Variants in NSL1 observed in about 807,000 individuals in gnomAD.
NSL1 encodes the protein kinetochore-associated protein NSL1 homolog.
Under a neutral mutation model 25.4 loss-of-function variants are expected in NSL1, and 11 were observed. The observed-to-expected ratio is 0.43, with a 90% CI of 0.27 to 0.72. The LOEUF is 0.72. NSL1 is among the 30% of genes least tolerant of loss of function. NSL1 has a pLI of 0.19. For synonymous variants in NSL1, 118 were observed against 120.6 expected, an observed-to-expected ratio of 0.98 and a Z score of 0.14; for missense variants, 330 against 342.7, an observed-to-expected ratio of 0.96 and a Z score of 0.29.
chr1:212,750,086 G>T (rs1458667141), intron 4 of NSL1, among the ~76,000 whole-genome samples: 1 of 151,576 alleles, frequency 6.6e-6, no homozygotes, highest in African/African-American at 2.4e-5. Context: ...ACTCCCTTGG[G>T]AACAGGAAAC....
chr1:212,764,597 G>A (rs1659713183), intron 4 of NSL1, among the ~76,000 whole-genome samples: 1 of 152,090 alleles, frequency 6.6e-6, no homozygotes, highest in South Asian at 2.1e-4. Context: ...CACAATCCCA[G>A]CATTTTGGGA....
At chr1:212,757,976 G>A (rs1300520789) in intron 4 of NSL1, among the ~76,000 whole-genome samples, 1 of 152,186 alleles carries the variant, frequency 6.6e-6, no homozygotes, top group Non-Finnish European at 1.5e-5. Context: ...AGGATGTACA[G>A]GCATCATGCA....
chr1:212,730,619 G>A lies in NSL1; in HGVS notation c.*7789C>T, dbSNP rs1426390522. ...AGGCCACCCAGAAGTCAGGGGATGT[G>A]ACCAAAGGAAAAGGTGATCAGAAGG... On this transcript the variant is annotated 3_prime_UTR_variant, in exon 6 of 6. Coordinates refer to ENST00000366977, the MANE Select transcript of NSL1 (RefSeq NM_015471.4). 4.1e-5 allele frequency: 40 copies of A among 985,282 alleles called. No individual in the cohort carries two copies. Among genetic ancestry groups the A allele is most frequent in the Non-Finnish European group, 4.8e-5 (40 of 829,928 alleles). 61.0% of individuals were successfully genotyped at this position (985,282 alleles called of 1,614,324 possible).
At position 212,734,028 on chromosome 1, in the gene NSL1, C is replaced by G. The variant is rs1368044672; in HGVS notation, c.*4380G>C. Among the ~76,000 whole-genome samples the G allele has an allele frequency of 6.6e-6, 1 of 152,078 alleles. No individual in the cohort carries two copies. The highest frequency in any genetic ancestry group is 1.5e-5 in the Non-Finnish European group (1 of 68,030). ...GAAAATTTCATTTTATCTCCCAGCC[C>G]TCCCACTGAATTTTTATTTCAACTT... On this transcript the variant is annotated 3_prime_UTR_variant, in exon 6 of 6. Coordinates refer to ENST00000366977, the MANE Select transcript of NSL1 (RefSeq NM_015471.4).
rs1421061690 is a variant in NSL1, at chr1:212,772,576, C to G, written c.499+9796G>C. ...CCTGTAATCCCAGCTACTTGGGAGG[C>G]TGAGGCACAAGAATCACTTGAACTC... On this transcript the variant is annotated intron_variant, in intron 4 of 5. Transcript: ENST00000366977. 3.9e-5 allele frequency among the ~76,000 whole-genome samples: 6 copies of G among 152,156 alleles called. No homozygotes were observed. The East Asian group carries it at 1.2e-3, about 29-fold the overall frequency.
At chr1:212,788,619 T>C (rs1661049963) in intron 1 of NSL1, among the ~76,000 whole-genome samples, 1 of 152,172 alleles carries the variant, frequency 6.6e-6, no homozygotes, top group Non-Finnish European at 1.5e-5. Flanking sequence ...GCAGTACACA[T>C]TTCCTATTAC....
In NSL1 at chr1:212,729,112, A is replaced by C. The variant is rs1449620615; in HGVS notation, c.*9296T>G. ...TTAAAACTTGCCAGTCAATTACAGG[A>C]ATATATTAGTGTTCCATCGTAGTTT... On this transcript the variant is annotated 3_prime_UTR_variant, in exon 6 of 6. Coordinates refer to ENST00000366977, the MANE Select transcript of NSL1 (RefSeq NM_015471.4). 9.1e-6 allele frequency: 9 copies of C among 985,308 alleles called. No individual in the cohort carries two copies. Among genetic ancestry groups the C allele is most frequent in the Non-Finnish European group, 1.2e-6 (1 of 829,934 alleles). The allele number at this position is 985,308 out of a possible 1,614,324, so 61.0% of individuals were successfully genotyped here. A position where few individuals can be genotyped will look rare whatever the true frequency, so the allele number is the denominator to read the frequency against.
intron 3 of NSL1, chr1:212,784,058 C>CAAA (rs1274950935): frequency 5.7e-6 from 1 of 174,506 alleles, no homozygotes; most frequent in African/African-American, 2.4e-5. Flanking sequence ...GCTTCTTTTT[C>CAAA]CATCCTTGTC....
rs1558036816 is a variant in NSL1, at chr1:212,736,588, C to T, written c.*1820G>A. The T allele has an allele frequency of 1.0e-6, 1 of 985,170 alleles. No homozygotes were observed. The highest frequency in any genetic ancestry group is 1.2e-6 in the Non-Finnish European group (1 of 829,856). The allele number at this position is 985,170 out of a possible 1,614,324, so 61.0% of individuals were successfully genotyped here. A position where few individuals can be genotyped will look rare whatever the true frequency, so the allele number is the denominator to read the frequency against. On this transcript the variant is annotated 3_prime_UTR_variant, in exon 6 of 6. Coordinates refer to ENST00000366977, the MANE Select transcript of NSL1 (RefSeq NM_015471.4). ...TAATGCTAATACGTACTGTCTTTCC[C>T]AGTGGTATTTCTATTTTAAACTCTG... is the stretch of plus-strand genomic sequence containing the variant.
At position 212,731,083 on chromosome 1, in the gene NSL1, T is replaced by A. The variant is rs1272257057; in HGVS notation, c.*7325A>T. On this transcript the variant is annotated 3_prime_UTR_variant, in exon 6 of 6. Transcript: ENST00000366977. The stretch of plus-strand genomic sequence containing the variant: ...ATTAATTTTCTCAAATCCTTTCATA[T>A]AAAATCCCCAAGAACCCCCTTCAGT... 5 of 984,858 alleles carry A rather than the reference T, an allele frequency of 5.1e-6. No homozygotes were observed. In the East Asian group the frequency reaches 3.4e-4, roughly 67 times the overall value. 61.0% of individuals were successfully genotyped at this position (984,858 alleles called of 1,614,324 possible).
chr1:212,736,857 C>T lies in NSL1; in HGVS notation c.*1551G>A, dbSNP rs1658250878. On this transcript the variant is annotated 3_prime_UTR_variant, in exon 6 of 6. Coordinates refer to ENST00000366977, the MANE Select transcript of NSL1 (RefSeq NM_015471.4). ...CATGTCATTTAAAAACTCTATGTAGCACAATATACCTCTCTTAAAAGGGAG... is the reference window on the plus strand; with the variant it reads ...CATGTCATTTAAAAACTCTATGTAGTACAATATACCTCTCTTAAAAGGGAG... The T allele has an allele frequency of 2.0e-6, 2 of 985,188 alleles. No homozygotes were observed. Among genetic ancestry groups the T allele is most frequent in the Admixed American group, 1.2e-4 (2 of 16,252 alleles). 61.0% of individuals were successfully genotyped at this position (985,188 alleles called of 1,614,324 possible). A position where few individuals can be genotyped will look rare whatever the true frequency, so the allele number is the denominator to read the frequency against.
chr1:212,728,008 T>A lies in NSL1; in HGVS notation c.*10400A>T. ...ACGGGGAGAAGGTGGAAGCAGAGTT[T>A]GTGGTCAGAAGGCCTCGCTCTGCTC... is the stretch of plus-strand genomic sequence containing the variant. On this transcript the variant is annotated 3_prime_UTR_variant, in exon 6 of 6. Coordinates refer to ENST00000366977, the MANE Select transcript of NSL1 (RefSeq NM_015471.4). The A allele has an allele frequency of 1.0e-6, 1 of 985,420 alleles. No individual in the cohort carries two copies. The highest frequency in any genetic ancestry group is 1.2e-6 in the Non-Finnish European group (1 of 829,934). The allele number at this position is 985,420 out of a possible 1,614,324, so 61.0% of individuals were successfully genotyped here.
Position 212,741,544 on chromosome 1 carries a change from G to A in NSL1, c.500-1943C>T, listed in dbSNP as rs116536240. The stretch of plus-strand genomic sequence containing the variant: ...TGTGTGGCACCTCACCCCCAAAACA[G>A]CTTCTTCCTGTTCCATCCATGTGAG... On this transcript the variant is annotated intron_variant, in intron 4 of 5. Coordinates refer to ENST00000366977, the MANE Select transcript of NSL1 (RefSeq NM_015471.4). Among the ~76,000 whole-genome samples the A allele has an allele frequency of 2.2e-3, 340 of 152,278 alleles. 1 individual carries two copies. The highest frequency in any genetic ancestry group is 7.7e-3 in the African/African-American group (318 of 41,556).
chr1:212,746,415 A>G (rs1385367131), intron 4 of NSL1, among the ~76,000 whole-genome samples: 1 of 152,230 alleles, frequency 6.6e-6, no homozygotes, highest in African/African-American at 2.4e-5. Context: ...TAAGAACTAT[A>G]CAGAAAATAA....
chr1:212,761,203 A>G (rs1030600008), intron 4 of NSL1, among the ~76,000 whole-genome samples: 6 of 152,240 alleles, frequency 3.9e-5, no homozygotes, highest in African/African-American at 1.4e-4. Flanking sequence ...GCAAGGAAAC[A>G]TGACACTTCC....
intron 1 of NSL1, among the ~76,000 whole-genome samples, chr1:212,788,283 C>T (rs964255746): frequency 6.6e-5 from 10 of 152,178 alleles, no homozygotes; most frequent in African/African-American, 2.2e-4. Flanking sequence ...CACAGTGGCA[C>T]ATGCCTGTAG....
chr1:212,729,332 T>C lies in NSL1; in HGVS notation c.*9076A>G. On this transcript the variant is annotated 3_prime_UTR_variant, in exon 6 of 6. Transcript: ENST00000366977. ...GATGGCTCCCCTAACTGACGGCAAA[T>C]TGCTTGTGGGCAGGGTCTGTGCCTT... 2 of 983,344 alleles carry C rather than the reference T, an allele frequency of 2.0e-6. No homozygotes were observed. The highest frequency in any genetic ancestry group is 2.4e-6 in the Non-Finnish European group (2 of 828,026). The allele number at this position is 983,344 out of a possible 1,614,324, so 60.9% of individuals were successfully genotyped here. A position where few individuals can be genotyped will look rare whatever the true frequency, so the allele number is the denominator to read the frequency against.
intron 1 of NSL1, among the ~76,000 whole-genome samples, chr1:212,791,194 T>G (rs1002858590): frequency 4.6e-5 from 7 of 152,238 alleles, no homozygotes; most frequent in Non-Finnish European, 7.3e-5. Flanking sequence ...CTCATTCATT[T>G]GATATTATTA....
chr1:212,774,725 G>A (rs1173324792), intron 4 of NSL1, among the ~76,000 whole-genome samples: 1 of 152,214 alleles, frequency 6.6e-6, no homozygotes, highest in Non-Finnish European at 1.5e-5. Flanking sequence ...TACACACTGA[G>A]GGAGGAATGT....
Sources: gnomAD v4.1 joint callset for allele counts (sites outside exome capture counted in the v4.1 genomes callset) on GRCh38, gnomAD v4.1.1 for gene constraint, MANE v1.5 for transcripts, NCBI Gene and HGNC (gene_info 2026-07-23, HGNC 2026-07-21) for gene names.